ZC3H13: variants seen among roughly 807,000 people sequenced by gnomAD.
ZC3H13 encodes the protein zinc finger CCCH domain-containing protein 13.
In ZC3H13, 64 loss-of-function variants were observed where a neutral mutation model predicts 204.1. The ratio of observed to expected loss-of-function variants is 0.31; its 90% CI spans 0.26 to 0.39. The LOEUF is 0.39. Ranked by LOEUF, ZC3H13 falls within the 10% of genes least tolerant of loss-of-function variation. The pLI, the probability that ZC3H13 is intolerant of heterozygous loss-of-function variation, is 1.00. For synonymous variants in ZC3H13, 667 were observed against 693.7 expected, an observed-to-expected ratio of 0.96 and a Z score of 0.60; for missense variants, 1,833 against 2,082.7, an observed-to-expected ratio of 0.88 and a Z score of 2.33.
chr13:46,026,752 A>C (rs1318722526), intron 4 of ZC3H13, among the ~76,000 whole-genome samples: 1 of 152,168 alleles, frequency 6.6e-6, no homozygotes. Flanking sequence ...CTTCCCGAAA[A>C]TAACTGTCAT....
intron 15 of ZC3H13, among the ~76,000 whole-genome samples, chr13:45,966,482 T>C (rs996511481): frequency 2.0e-5 from 3 of 152,168 alleles, no homozygotes; most frequent in Non-Finnish European, 4.4e-5. Context: ...CTCATTTTCC[T>C]ACTTTGAGTA....
At chr13:45,959,875 A>G (rs574176092) in intron 17 of ZC3H13, among the ~76,000 whole-genome samples, 1 of 152,334 alleles carries the variant, frequency 6.6e-6, no homozygotes, top group African/African-American at 2.4e-5. Context: ...AATTTACTTA[A>G]AATATAAGAA....
intron 9 of ZC3H13, among the ~76,000 whole-genome samples, chr13:45,987,261 C>A (rs978965916): frequency 9.2e-5 from 14 of 152,324 alleles, no homozygotes; most frequent in African/African-American, 3.1e-4. Flanking sequence ...ATCTTCCTTA[C>A]AAAGAACTTA....
At chr13:45,995,338 T>A (rs1473243898) in intron 8 of ZC3H13, among the ~76,000 whole-genome samples, 1 of 152,198 alleles carries the variant, frequency 6.6e-6, no homozygotes, top group South Asian at 2.1e-4. Flanking sequence ...TATGAGTTTC[T>A]CTCCTGAATT....
chr13:46,006,501 G>C (rs936807800), intron 7 of ZC3H13, among the ~76,000 whole-genome samples: 2 of 151,206 alleles, frequency 1.3e-5, no homozygotes, highest in South Asian at 2.1e-4. Flanking sequence ...CCTGTTTACT[G>C]TATTAACGTT....
At chr13:46,031,294 T>G (rs2042882449) in intron 4 of ZC3H13, among the ~76,000 whole-genome samples, 1 of 151,868 alleles carries the variant, frequency 6.6e-6, no homozygotes, top group Non-Finnish European at 1.5e-5. Context: ...AAAATTAACT[T>G]AAAATGGATC....
chr13:45,957,046 T>C lies in ZC3H13; in HGVS notation c.*81A>G, dbSNP rs75351303. On this transcript the variant is annotated 3_prime_UTR_variant, in exon 19 of 19. Transcript: ENST00000679008. ...TCTTTTCTGCCTTTGTCACTAATGCTTGTCAAACCAAAGAACTTTGCAAAA... is the reference window on the plus strand; with the variant it reads ...TCTTTTCTGCCTTTGTCACTAATGCCTGTCAAACCAAAGAACTTTGCAAAA... 3.2e-4 allele frequency: 387 copies of C among 1,208,190 alleles called. 1 individual carries two copies. In the East Asian group the frequency reaches 8.1e-3, roughly 25 times the overall value. 74.8% of individuals were successfully genotyped at this position (1,208,190 alleles called of 1,614,324 possible). A position where few individuals can be genotyped will look rare whatever the true frequency, so the allele number is the denominator to read the frequency against.
chr13:46,042,070 T>C lies in ZC3H13; in HGVS notation c.339+94A>G, dbSNP rs2043625865. The C allele has an allele frequency of 1.2e-5, 12 of 965,634 alleles. No homozygotes were observed. The South Asian group carries it at 1.7e-4, about 14-fold the overall frequency. The allele number at this position is 965,634 out of a possible 1,614,324, so 59.8% of individuals were successfully genotyped here. ...GAACATTATAATGCCGTATTACACATTTACCATATATTTAGCACACAATAT... is the reference window on the plus strand; with the variant it reads ...GAACATTATAATGCCGTATTACACACTTACCATATATTTAGCACACAATAT... On this transcript the variant is annotated intron_variant, in intron 4 of 18. Transcript: ENST00000679008.
At chr13:46,017,106 C>T (rs189858233) in intron 5 of ZC3H13, among the ~76,000 whole-genome samples, 14 of 152,000 alleles carry the variant, frequency 9.2e-5, no homozygotes, top group East Asian at 1.9e-4. Context: ...AGTCACTACA[C>T]GTACGACGTT....
intron 8 of ZC3H13, among the ~76,000 whole-genome samples, chr13:45,994,532 T>C (rs1406909107): frequency 2.6e-5 from 4 of 152,256 alleles, no homozygotes; most frequent in Non-Finnish European, 5.9e-5. Flanking sequence ...GAGCCTTACA[T>C]AGACTTATTC....
chr13:46,018,519 A>G (rs1471545197), intron 5 of ZC3H13, among the ~76,000 whole-genome samples: 1 of 152,132 alleles, frequency 6.6e-6, no homozygotes, highest in Non-Finnish European at 1.5e-5. Context: ...TTATTCATCA[A>G]CCTTATACAG....
intron 5 of ZC3H13, among the ~76,000 whole-genome samples, chr13:46,018,993 G>GTA (rs1471564598): frequency 6.6e-6 from 1 of 152,112 alleles, no homozygotes; most frequent in African/African-American, 2.4e-5. Context: ...AAATGGGAGA[G>GTA]TATAGCTGCC....
intron 10 of ZC3H13, among the ~76,000 whole-genome samples, chr13:45,983,527 T>G (rs959216085): frequency 7.1e-6 from 1 of 140,270 alleles, no homozygotes; most frequent in Non-Finnish European, 1.5e-5. Flanking sequence ...CTTGGGTTCA[T>G]GCCATTCTCC....
chr13:45,985,939 T>C (rs184658092), intron 9 of ZC3H13, among the ~76,000 whole-genome samples, 178 bp from the exon 10 acceptor site: 1 of 152,330 alleles, frequency 6.6e-6, no homozygotes, highest in African/African-American at 2.4e-5. Context: ...TGTTCTTCAT[T>C]AGATAAACTC....
In ZC3H13 at chr13:46,002,821, T is replaced by A. The variant is rs546955797; in HGVS notation, c.944+318A>T. Among the ~76,000 whole-genome samples, 218 of 152,162 alleles carry A rather than the reference T, an allele frequency of 1.4e-3. 1 individual carries two copies. The highest frequency in any genetic ancestry group is 5.1e-3 in the African/African-American group (212 of 41,520). On this transcript the variant is annotated intron_variant, in intron 8 of 18. Transcript: ENST00000679008. ...GATACAGAGTTTCAGATTTGCAAAATGAAAAAGTTCTGCAGAATTGTTTCA... is the reference window on the plus strand; with the variant it reads ...GATACAGAGTTTCAGATTTGCAAAAAGAAAAAGTTCTGCAGAATTGTTTCA...
intron 7 of ZC3H13, among the ~76,000 whole-genome samples, chr13:46,009,870 C>T (rs1407703740): frequency 6.6e-6 from 1 of 151,832 alleles, no homozygotes; most frequent in Non-Finnish European, 1.5e-5. Flanking sequence ...AAATGTTCCA[C>T]AGAAAAGCAG....
chr13:46,037,444 C>T (rs1297743059), intron 4 of ZC3H13, among the ~76,000 whole-genome samples: 2 of 152,120 alleles, frequency 1.3e-5, no homozygotes, highest in South Asian at 2.1e-4. Flanking sequence ...TGTATGTCTC[C>T]GTCATCAATA....
intron 15 of ZC3H13, 48 bp from the exon 16 acceptor site, chr13:45,965,480 G>A (rs748905990): frequency 1.3e-6 from 2 of 1,593,526 alleles, no homozygotes; most frequent in Non-Finnish European, 8.6e-7. Flanking sequence ...TAAAGGGAGA[G>A]GATGACTAAG....
intron 5 of ZC3H13, among the ~76,000 whole-genome samples, chr13:46,012,474 C>T (rs4941538): frequency 0.44 from 66,584 of 151,924 alleles, 15,049 homozygotes; most frequent in East Asian, 0.54. Flanking sequence ...ACTAAAAAAA[C>T]AACAAACATA....
Sources: gnomAD v4.1 joint callset for allele counts (sites outside exome capture counted in the v4.1 genomes callset) on GRCh38, gnomAD v4.1.1 for gene constraint, MANE v1.5 for transcripts, NCBI Gene and HGNC (gene_info 2026-07-23, HGNC 2026-07-21) for gene names.